The following PTPRG variants were observed in gnomAD, a reference collection of about 807,000 sequenced individuals.
PTPRG encodes the protein receptor-type tyrosine-protein phosphatase gamma.
A neutral mutation model predicts 165.3 loss-of-function variants in PTPRG; 102 were observed. The ratio of observed to expected loss-of-function variants is 0.62; its 90% CI spans 0.53 to 0.73. The LOEUF is 0.73. Ranked by LOEUF, PTPRG falls within the 30% of genes least tolerant of loss-of-function variation. The probability of loss-of-function intolerance (pLI) is 0.00; values close to 1 mark genes in which losing one functional copy is unlikely to be tolerated. For synonymous variants in PTPRG, 675 were observed against 669.5 expected, an observed-to-expected ratio of 1.01 and a Z score of -0.13; for missense variants, 1,866 against 1,861.4, an observed-to-expected ratio of 1.00 and a Z score of -0.05.
intron 1 of PTPRG, among the ~76,000 whole-genome samples, chr3:61,613,078 A>T (rs73096765): frequency 0.014 from 2,115 of 152,326 alleles, 28 homozygotes; most frequent in Middle Eastern, 0.086. Flanking sequence ...AGTCAAAAGA[A>T]CATTTATTTC....
At chr3:61,820,646 T>C (rs2035927009) in intron 2 of PTPRG, among the ~76,000 whole-genome samples, 1 of 136,412 alleles carries the variant, frequency 7.3e-6, no homozygotes, top group Non-Finnish European at 1.5e-5. Context: ...GCTTTAGGGA[T>C]AAAACAGTAA....
At chr3:62,107,187 C>G (rs1297179615) in intron 5 of PTPRG, among the ~76,000 whole-genome samples, 2 of 152,180 alleles carry the variant, frequency 1.3e-5, no homozygotes, top group Non-Finnish European at 2.9e-5. Flanking sequence ...TGTTTCCATC[C>G]AAATCTTGTC....
intron 1 of PTPRG, among the ~76,000 whole-genome samples, chr3:61,723,066 A>G (rs774473890): frequency 1.2e-4 from 18 of 152,008 alleles, no homozygotes; most frequent in Non-Finnish European, 2.5e-4. Context: ...GTCTAAGTCA[A>G]ATATTTAGGA....
chr3:61,845,709 G>A (rs2036787216), intron 2 of PTPRG, among the ~76,000 whole-genome samples: 1 of 152,186 alleles, frequency 6.6e-6, no homozygotes, highest in South Asian at 2.1e-4. Flanking sequence ...TCACTTCGGA[G>A]ACTGTGAAAT....
At chr3:61,669,288 G>A (rs893317503) in intron 1 of PTPRG, among the ~76,000 whole-genome samples, 12 of 152,054 alleles carry the variant, frequency 7.9e-5, no homozygotes, top group African/African-American at 2.4e-4. Context: ...TAGAGCTTGA[G>A]ACATTATGAG....
At chr3:62,188,098 T>G (rs12715578) in intron 8 of PTPRG, among the ~76,000 whole-genome samples, 51,427 of 152,060 alleles carry the variant, frequency 0.34, 9,954 homozygotes, top group African/African-American at 0.53. Context: ...CTAGGGCCAG[T>G]CATGGTGGCT....
chr3:61,716,980 A>C (rs1040775771), intron 1 of PTPRG, among the ~76,000 whole-genome samples: 1 of 152,236 alleles, frequency 6.6e-6, no homozygotes, highest in Non-Finnish European at 1.5e-5. Context: ...TCAACAAAAA[A>C]TAAAAAATAA....
chr3:61,986,650 C>T (rs2040770055), intron 2 of PTPRG, among the ~76,000 whole-genome samples: 1 of 152,110 alleles, frequency 6.6e-6, no homozygotes, highest in Non-Finnish European at 1.5e-5. Flanking sequence ...GTGTTTTCTA[C>T]CCCGCCCTTA....
intron 4 of PTPRG, among the ~76,000 whole-genome samples, chr3:62,043,080 TTCA>T (rs1184332551): frequency 6.6e-6 from 1 of 152,160 alleles, no homozygotes; most frequent in Non-Finnish European, 1.5e-5. Flanking sequence ...TTGGGGTAAG[TTCA>T]TCAGTTTAAA....
At chr3:61,797,284 T>G (rs2035077888) in intron 2 of PTPRG, among the ~76,000 whole-genome samples, 1 of 152,334 alleles carries the variant, frequency 6.6e-6, no homozygotes, top group East Asian at 1.9e-4. Context: ...AATATACTTT[T>G]CATTGAATAA....
intron 4 of PTPRG, among the ~76,000 whole-genome samples, chr3:62,030,380 A>G (rs1267724396): frequency 6.6e-6 from 1 of 152,178 alleles, no homozygotes; most frequent in Non-Finnish European, 1.5e-5. Context: ...GCTTTAAGGA[A>G]CTTTTAGAGG....
intron 2 of PTPRG, among the ~76,000 whole-genome samples, chr3:61,886,554 G>A (rs918529164): frequency 2.6e-5 from 4 of 152,014 alleles, no homozygotes; most frequent in African/African-American, 2.4e-5. Context: ...TGCCTTCCCC[G>A]CCCTGCCCCT....
chr3:61,754,531 C>T (rs148110099), intron 2 of PTPRG, among the ~76,000 whole-genome samples: 4 of 152,112 alleles, frequency 2.6e-5, no homozygotes, highest in African/African-American at 7.2e-5. Context: ...TCTCCTGCAG[C>T]GTGCCAGTGT....
intron 1 of PTPRG, among the ~76,000 whole-genome samples, chr3:61,564,913 GGA>G (rs1699869513): frequency 6.6e-6 from 1 of 152,252 alleles, no homozygotes. Context: ...GCTGGGGGCT[GGA>G]GTTAGCCTTG....
At chr3:61,936,611 G>A (rs1229675970) in intron 2 of PTPRG, among the ~76,000 whole-genome samples, 1 of 152,186 alleles carries the variant, frequency 6.6e-6, no homozygotes, top group Non-Finnish European at 1.5e-5. Flanking sequence ...TGTGTGTTGA[G>A]ATGGGCTAAT....
intron 2 of PTPRG, among the ~76,000 whole-genome samples, chr3:61,802,929 C>T (rs1352960102): frequency 1.3e-5 from 2 of 152,220 alleles, no homozygotes; most frequent in African/African-American, 2.4e-5. Flanking sequence ...TCACAGGCAC[C>T]TGGTAGGTTC....
intron 1 of PTPRG, among the ~76,000 whole-genome samples, chr3:61,725,423 T>C (rs983647661): frequency 6.6e-6 from 1 of 152,170 alleles, no homozygotes; most frequent in Admixed American, 6.5e-5. Flanking sequence ...ATTTTTTGCC[T>C]GTGGATGTCC....
intron 2 of PTPRG, among the ~76,000 whole-genome samples, chr3:61,953,186 T>C (rs1209697564): frequency 1.3e-5 from 2 of 152,204 alleles, no homozygotes; most frequent in Non-Finnish European, 2.9e-5. Context: ...TTCTAGCTCC[T>C]GTTTCAGAAG....
At chr3:61,846,341 C>T (rs1223043470) in intron 2 of PTPRG, among the ~76,000 whole-genome samples, 6 of 152,092 alleles carry the variant, frequency 3.9e-5, no homozygotes, top group Admixed American at 2.0e-4. Flanking sequence ...ATGTAGTCAT[C>T]CATGTGACGG....
Sources: gnomAD v4.1 joint callset for allele counts (sites outside exome capture counted in the v4.1 genomes callset) on GRCh38, gnomAD v4.1.1 for gene constraint, MANE v1.5 for transcripts, NCBI Gene and HGNC (gene_info 2026-07-23, HGNC 2026-07-21) for gene names.